The following COL22A1 variants were observed in gnomAD, a reference collection of about 807,000 sequenced individuals.
COL22A1 encodes collagen alpha-1(XXII) chain.
In COL22A1, 221 loss-of-function variants were observed where a neutral mutation model predicts 248.9. The observed-to-expected ratio is 0.89, with a 90% CI of 0.80 to 0.99. The LOEUF (loss-of-function observed/expected upper bound fraction) is 0.99, where lower values mean the gene tolerates loss of function less well. COL22A1 is among the 50% of genes least tolerant of loss of function. The pLI is 0.00. For missense variants in COL22A1, 2,240 were observed against 2,179.0 expected, an observed-to-expected ratio of 1.03 and a Z score of -0.56; for synonymous variants, 891 against 793.4, an observed-to-expected ratio of 1.12 and a Z score of -2.07.
chr8:138,755,054 T>G (rs944713656), intron 21 of COL22A1, 103 bp downstream of exon 21: 1,233 of 1,162,438 alleles, frequency 1.1e-3, no homozygotes, highest in Non-Finnish European at 1.4e-3. Context: ...TGAAGGCGCT[T>G]GAGATAATGC....
intron 46 of COL22A1, among the ~76,000 whole-genome samples, chr8:138,646,907 T>C (rs535300695): frequency 1.8e-4 from 28 of 152,278 alleles, no homozygotes; most frequent in African/African-American, 6.5e-4. Flanking sequence ...ATATGGTTAG[T>C]TGGTGTGTCT....
intron 3 of COL22A1, among the ~76,000 whole-genome samples, chr8:138,873,661 C>T (rs554433088): frequency 3.9e-5 from 6 of 152,296 alleles, no homozygotes; most frequent in East Asian, 1.9e-4. Flanking sequence ...GTTTCCCTCT[C>T]GAGGACAAAG....
intron 23 of COL22A1, among the ~76,000 whole-genome samples, chr8:138,731,837 A>C (rs992288105): frequency 1.1e-4 from 17 of 152,256 alleles, no homozygotes; most frequent in African/African-American, 4.1e-4. Context: ...AGCATCTTCC[A>C]TGGCCTTGGG....
intron 27 of COL22A1, among the ~76,000 whole-genome samples, chr8:138,719,559 CT>C (rs1350660594): frequency 2.0e-5 from 3 of 152,076 alleles, no homozygotes; most frequent in Non-Finnish European, 4.4e-5. Flanking sequence ...TGTTTTTCTG[CT>C]TGGTTTTAAT....
chr8:138,649,225 T>G (rs996923114), intron 46 of COL22A1, among the ~76,000 whole-genome samples: 1 of 152,136 alleles, frequency 6.6e-6, no homozygotes, highest in Non-Finnish European at 1.5e-5. Flanking sequence ...AAGACACATG[T>G]AATGGGGTGT....
chr8:138,615,556 T>G (rs1819246060), intron 55 of COL22A1, among the ~76,000 whole-genome samples: 3 of 151,962 alleles, frequency 2.0e-5, no homozygotes, highest in African/African-American at 2.4e-5. Context: ...AAATTTTTTT[T>G]TTCTTGTTCT....
intron 10 of COL22A1, among the ~76,000 whole-genome samples, chr8:138,803,235 G>A (rs987790420): frequency 9.2e-5 from 14 of 152,196 alleles, no homozygotes; most frequent in South Asian, 4.1e-4. Context: ...CTCGGAAGGG[G>A]AAGTGGAAGT....
intron 18 of COL22A1, among the ~76,000 whole-genome samples, chr8:138,756,690 T>C (rs1480451615): frequency 6.6e-6 from 1 of 152,124 alleles, no homozygotes; most frequent in East Asian, 1.9e-4. Context: ...ATCTATTAGG[T>C]CTTAAGGCTA....
At position 138,670,960 on chromosome 8, in the gene COL22A1, CAA is replaced by C. The variant is rs60845059; in HGVS notation, c.3150+5596_3150+5597del. Among the ~76,000 whole-genome samples, 253 of 55,384 alleles carry C rather than the reference CAA, an allele frequency of 4.6e-3. 3 individuals carry two copies. Among genetic ancestry groups the C allele is most frequent in the African/African-American group, 0.01 (160 of 15,900 alleles). The allele number at this position is 55,384 out of a possible 152,430, so 36.3% of individuals were successfully genotyped here. A position where few individuals can be genotyped will look rare whatever the true frequency, so the allele number is the denominator to read the frequency against. The stretch of plus-strand genomic sequence containing the variant: ...TGGGGGACAGAGCGAGACCTTGTCT[CAA>C]AAAAAAAAAAAAAAAAAAAAAAAAG... On this transcript the variant is annotated intron_variant, in intron 41 of 64. Transcript: ENST00000303045.
intron 41 of COL22A1, among the ~76,000 whole-genome samples, chr8:138,667,754 C>T (rs1238670076): frequency 6.6e-6 from 1 of 152,016 alleles, no homozygotes; most frequent in Admixed American, 6.6e-5. Flanking sequence ...GTCTGCAACC[C>T]TTGATGTACT....
chr8:138,897,254 A>C (rs941167293), intron 1 of COL22A1, among the ~76,000 whole-genome samples: 9 of 152,040 alleles, frequency 5.9e-5, no homozygotes, highest in African/African-American at 2.2e-4. Flanking sequence ...CCCTTCCACA[A>C]ATAATAGCTT....
chr8:138,900,981 C>T (rs895320013), intron 1 of COL22A1, among the ~76,000 whole-genome samples: 5 of 152,096 alleles, frequency 3.3e-5, no homozygotes, highest in Admixed American at 1.3e-4. Context: ...AAAGACTCCT[C>T]GATATATCAT....
At chr8:138,630,813 G>T (rs987535504) in intron 49 of COL22A1, 65 bp from the exon 50 acceptor site, 4 of 1,370,650 alleles carry the variant, frequency 2.9e-6, no homozygotes, top group Non-Finnish European at 4.2e-6. Context: ...AGCACCCTCT[G>T]CTTTGAATAC....
chr8:138,631,445 C>T lies in COL22A1; in HGVS notation c.3610-697G>A, dbSNP rs180974933. Among the ~76,000 whole-genome samples, 321 of 152,274 alleles carry T rather than the reference C, an allele frequency of 2.1e-3. 3 individuals are homozygous for T. The highest frequency in any genetic ancestry group is 1.7e-3 in the Non-Finnish European group (113 of 68,018). On this transcript the variant is annotated intron_variant, in intron 49 of 64. Transcript: ENST00000303045. Reference sequence around the variant, plus strand: ...GTAAATGAACTCACTTCAGGATGGGCATTTTCAGCTAATATCAGGCAACAT... The same window carrying T: ...GTAAATGAACTCACTTCAGGATGGGTATTTTCAGCTAATATCAGGCAACAT...
chr8:138,805,692 T>G (rs1232323252), intron 10 of COL22A1, among the ~76,000 whole-genome samples: 1 of 147,178 alleles, frequency 6.8e-6, no homozygotes, highest in Non-Finnish European at 1.5e-5. Flanking sequence ...TATGTGTTTG[T>G]GATGGTGTGG....
At chr8:138,632,001 G>C (rs1820763483) in intron 49 of COL22A1, among the ~76,000 whole-genome samples, 1 of 152,292 alleles carries the variant, frequency 6.6e-6, no homozygotes, top group East Asian at 1.9e-4. Flanking sequence ...ATTAGAAGTT[G>C]AACTGACTGG....
intron 3 of COL22A1, among the ~76,000 whole-genome samples, chr8:138,870,669 G>T (rs771183055): frequency 6.6e-6 from 1 of 151,704 alleles, no homozygotes; most frequent in African/African-American, 2.4e-5. Flanking sequence ...TGTGCAAAAC[G>T]TGTATTTGCA....
Position 138,778,358 on chromosome 8 carries a change from CTCCGACACGTCCAGGAGG to C in COL22A1, c.1735_1752del (p.Pro579_Gly584del), listed in dbSNP as rs1563751419. The stretch of plus-strand genomic sequence containing the variant: ...AGACAAGTGCCTTCACTTACAGGAG[CTCCGACACGTCCAGGAGG>C]TCCGGGGAGTCCAGGTGGTCCTTGG... On this transcript the variant is annotated inframe_deletion, in exon 15 of 65. Transcript: ENST00000303045. 2 of 1,613,906 alleles carry C rather than the reference CTCCGACACGTCCAGGAGG, an allele frequency of 1.2e-6. No individual in the cohort carries two copies. Among genetic ancestry groups the C allele is most frequent in the Non-Finnish European group, 1.7e-6 (2 of 1,179,912 alleles).
chr8:138,833,537 G>A (rs1437908835), intron 4 of COL22A1, among the ~76,000 whole-genome samples: 5 of 152,314 alleles, frequency 3.3e-5, no homozygotes, highest in Admixed American at 6.5e-5. Context: ...GGCCACTCAC[G>A]GCTTTCCTTC....
Sources: gnomAD v4.1 joint callset for allele counts (sites outside exome capture counted in the v4.1 genomes callset) on GRCh38, gnomAD v4.1.1 for gene constraint, MANE v1.5 for transcripts, NCBI Gene and HGNC (gene_info 2026-07-23, HGNC 2026-07-21) for gene names.